FAM20C: variants seen among roughly 807,000 people sequenced by gnomAD.
The protein encoded by FAM20C is FAM20C golgi associated secretory pathway kinase.
A neutral mutation model predicts 51.5 loss-of-function variants in FAM20C; 40 were observed. The observed-to-expected ratio is 0.78, with a 90% CI of 0.60 to 1.01. The LOEUF (loss-of-function observed/expected upper bound fraction) is 1.01. Among genes scored for constraint, FAM20C ranks in the 50% least tolerant of loss-of-function variants. The pLI is 0.00. For synonymous variants in FAM20C, 406 were observed against 380.6 expected (o/e 1.07, Z -0.78); for missense variants, 861 against 844.7 (o/e 1.02, Z -0.24).
At position 258,375 on chromosome 7, in the gene FAM20C, G is replaced by C. The variant is rs1247689461; in HGVS notation, c.1446-271G>C. ...CCCACTGCCTGAGGTGCTGGAGATG[G>C]GCAGGGTGGACCCACTGCCCGGGAT... On this transcript the variant is annotated intron_variant, in intron 8 of 9. Transcript: ENST00000313766. Among the ~76,000 whole-genome samples the C allele has an allele frequency of 5.4e-5, 6 of 110,810 alleles. 1 individual carries two copies. The highest frequency in any genetic ancestry group is 2.4e-4 in the East Asian group (1 of 4,220). 72.7% of individuals were successfully genotyped at this position (110,810 alleles called of 152,430 possible). A position where few individuals can be genotyped will look rare whatever the true frequency, so the allele number is the denominator to read the frequency against.
intron 2 of FAM20C, among the ~76,000 whole-genome samples, chr7:197,925 G>A (rs1785956868): frequency 6.6e-6 from 1 of 152,214 alleles, no homozygotes; most frequent in South Asian, 2.1e-4. Context: ...CTTTGGTCCA[G>A]CTGTCCCGGG....
At chr7:222,843 GC>G (rs1787292348) in intron 3 of FAM20C, among the ~76,000 whole-genome samples, 1 of 151,534 alleles carries the variant, frequency 6.6e-6, no homozygotes, top group African/African-American at 2.4e-5. Context: ...GTGTGTGCAT[GC>G]ATGTCCTGTG....
At chr7:242,012 C>T (rs971406318) in intron 3 of FAM20C, among the ~76,000 whole-genome samples, 3 of 152,180 alleles carry the variant, frequency 2.0e-5, no homozygotes, top group Admixed American at 6.5e-5. Flanking sequence ...CCCATGCCAA[C>T]GCTCAGTGGA....
chr7:195,614 CTA>C lies in FAM20C; in HGVS notation c.668_669del (p.Tyr223SerfsTer75). On this transcript the variant is annotated frameshift_variant, in exon 2 of 10. Coordinates refer to ENST00000313766, the MANE Select transcript of FAM20C (RefSeq NM_020223.4). LOFTEE classifies it high-confidence loss of function. The stretch of plus-strand genomic sequence containing the variant: ...CCCCCGGGGAGGCGGCCGTGGACTC[CTA>C]TCCCAACTGGCTCAAGTTCCACATT... ...LSPGEAAVDS[Y>X]PNWLKFHIGI... 1 of 1,609,618 alleles carries C rather than the reference CTA, an allele frequency of 6.2e-7. No homozygotes were observed. Among genetic ancestry groups the C allele is most frequent in the South Asian group, 1.1e-5 (1 of 90,452 alleles).
At chr7:254,290 G>T (rs1788511293) in intron 5 of FAM20C, among the ~76,000 whole-genome samples, 2 of 152,200 alleles carry the variant, frequency 1.3e-5, no homozygotes, top group Non-Finnish European at 2.9e-5. Flanking sequence ...ATCCCACGGG[G>T]AGCCTGCCCT....
At position 207,083 on chromosome 7, in the gene FAM20C, C is replaced by G. The variant is rs374361184; in HGVS notation, c.785-1815C>G. ...GGCCCTGCACACGTATCCACTGTGA[C>G]GCGTCGGTCACTGTCCCCTCGGCCC... On this transcript the variant is annotated intron_variant, in intron 2 of 9. Coordinates refer to ENST00000313766, the MANE Select transcript of FAM20C (RefSeq NM_020223.4). 4.7e-3 allele frequency among the ~76,000 whole-genome samples: 116 copies of G among 24,484 alleles called. 35 individuals carry two copies. The highest frequency in any genetic ancestry group is 0.017 in the East Asian group (6 of 346). The allele number at this position is 24,484 out of a possible 152,430, so 16.1% of individuals were successfully genotyped here.
Position 259,900 on chromosome 7 carries a change from G to T in FAM20C, c.1675G>T (p.Asp559Tyr). The T allele has an allele frequency of 6.5e-7, 1 of 1,535,650 alleles. No individual in the cohort carries two copies. Residue 559 changes from aspartate (D) to tyrosine (Y), a missense_variant, in exon 10 of 10, where the codon GAC becomes TAC. By Grantham distance (160) the Asp-to-Tyr change is radical. Around this residue, in one of 3 missense-constraint regions of FAM20C, gnomAD observed 269 missense variants for 283.8 expected, o/e 0.95. Transcript: ENST00000313766. Reference sequence around the variant, plus strand: ...CCGCGTCGTGCTAAAGGCCGTCCGGGACTGCGTGGAGAGGAACGGGCTCCA... The same window carrying T: ...CCGCGTCGTGCTAAAGGCCGTCCGGTACTGCGTGGAGAGGAACGGGCTCCA... Reference protein sequence around the residue: ...RLRVVLKAVRDCVERNGLHSV... With the variant: ...RLRVVLKAVRYCVERNGLHSV...
At chr7:228,132 C>T in intron 3 of FAM20C, 1 of 290,564 alleles carries the variant, frequency 3.4e-6, no homozygotes. Flanking sequence ...GTCAGGCGCA[C>T]AGGCCTGTGC....
chr7:208,848 A>C lies in FAM20C; in HGVS notation c.785-50A>C, dbSNP rs1050316400. Reference sequence around the variant, plus strand: ...GAGCCCTCGTCCGCACAGGAGAAGAAGGGGCGTGAGGCCAGAGAGTGACCC... The same window carrying C: ...GAGCCCTCGTCCGCACAGGAGAAGACGGGGCGTGAGGCCAGAGAGTGACCC... On this transcript the variant is annotated intron_variant, in intron 2 of 9. Coordinates refer to ENST00000313766, the MANE Select transcript of FAM20C (RefSeq NM_020223.4). 4 of 1,535,348 alleles carry C rather than the reference A, an allele frequency of 2.6e-6. No individual in the cohort carries two copies. In the African/African-American group the frequency reaches 4.1e-5, roughly 16 times the overall value.
chr7:215,192 A>G (rs1201823371), intron 3 of FAM20C, among the ~76,000 whole-genome samples: 1 of 145,504 alleles, frequency 6.9e-6, no homozygotes, highest in African/African-American at 2.5e-5. Context: ...GGAGTGAGCG[A>G]GTGAGCACCG....
At chr7:215,230 G>GC (rs986908511) in intron 3 of FAM20C, among the ~76,000 whole-genome samples, 7 of 48,114 alleles carry the variant, frequency 1.5e-4, no homozygotes, top group Non-Finnish European at 2.4e-4. Context: ...GCTCCAGCTG[G>GC]GGGGGGGAGC....
chr7:193,245 G>C lies in FAM20C; in HGVS notation c.46G>C (p.Val16Leu). ...VRRFRVLILM[V>L]FLVACALHIA... ...CCGGTTCCGCGTGCTCATCCTGATG[G>C]TGTTCCTGGTGGCCTGCGCGCTGCA... Residue 16 changes from valine (V) to leucine (L), a missense_variant, in exon 1 of 10, where the codon GTG (valine) becomes CTG (leucine). Transcript: ENST00000313766. The C allele has an allele frequency of 6.8e-7, 1 of 1,466,398 alleles. No individual in the cohort carries two copies. The highest frequency in any genetic ancestry group is 9.0e-7 in the Non-Finnish European group (1 of 1,105,316). 90.8% of individuals were successfully genotyped at this position (1,466,398 alleles called of 1,614,324 possible).
At chr7:201,038 CT>C (rs1786105408) in intron 2 of FAM20C, among the ~76,000 whole-genome samples, 1 of 152,240 alleles carries the variant, frequency 6.6e-6, no homozygotes, top group South Asian at 2.1e-4. Flanking sequence ...CCGAGCAGAC[CT>C]CTCTGGCTTG....
intron 2 of FAM20C, among the ~76,000 whole-genome samples, chr7:205,976 G>T (rs967798915): frequency 2.6e-5 from 4 of 152,160 alleles, no homozygotes; most frequent in Admixed American, 2.6e-4. Flanking sequence ...AAACCCATCT[G>T]CAGGCAGCTC....
chr7:244,590 C>T (rs1035793687), intron 3 of FAM20C, among the ~76,000 whole-genome samples: 4 of 152,224 alleles, frequency 2.6e-5, no homozygotes, highest in African/African-American at 7.2e-5. Flanking sequence ...TTCAGTTTGC[C>T]GCCATACCTG....
In FAM20C at chr7:259,761, G is replaced by C. The variant is rs1350271110; in HGVS notation, c.1536G>C (p.Gln512His). Residue 512 changes from glutamine (Q) to histidine (H), a missense_variant, in exon 10 of 10, where the codon CAG (glutamine) becomes CAC (histidine). This residue lies in a region of FAM20C where 269 missense variants were observed against 283.8 expected (regional missense o/e 0.95). Coordinates refer to ENST00000313766, the MANE Select transcript of FAM20C (RefSeq NM_020223.4). ...RIRKSTYLRLQLLAKEEYKLS... is the reference protein window; with the variant it reads ...RIRKSTYLRLHLLAKEEYKLS... ...GGAAGTCCACCTACCTGCGTCTGCA[G>C]CTCCTGGCCAAGGAGGAGTACAAGC... The C allele has an allele frequency of 1.3e-6, 2 of 1,536,418 alleles. No homozygotes were observed. Among genetic ancestry groups the C allele is most frequent in the Admixed American group, 3.9e-5 (2 of 50,952 alleles).
chr7:228,218 A>G, intron 3 of FAM20C: 1 of 329,086 alleles, frequency 3.0e-6, no homozygotes. Context: ...AATCAGAGAA[A>G]TTCTGAGAAA....
In FAM20C at chr7:193,315, G is replaced by A; in HGVS notation, c.116G>A (p.Arg39Gln). 7.2e-7 allele frequency: 1 copy of A among 1,390,282 alleles called. No homozygotes were observed. The highest frequency in any genetic ancestry group is 9.4e-7 in the Non-Finnish European group (1 of 1,063,522). The allele number at this position is 1,390,282 out of a possible 1,614,324, so 86.1% of individuals were successfully genotyped here. Residue 39 changes from arginine (R) to glutamine (Q), a missense_variant, in exon 1 of 10, where the codon CGG becomes CAG. Around this residue, in one of 3 missense-constraint regions of FAM20C, gnomAD observed 561 missense variants for 499.8 expected, o/e 1.12. Coordinates refer to ENST00000313766, the MANE Select transcript of FAM20C (RefSeq NM_020223.4). Reference sequence around the variant, plus strand: ...CCCAGGCTGGAGCGACGCGGCGCGCGGCCCTCGGGGGAGCCCGGCTGTTCG... The same window carrying A: ...CCCAGGCTGGAGCGACGCGGCGCGCAGCCCTCGGGGGAGCCCGGCTGTTCG... ...LLPRLERRGA[R>Q]PSGEPGCSCA...
intron 2 of FAM20C, among the ~76,000 whole-genome samples, chr7:204,098 A>C (rs763413552): frequency 6.6e-6 from 1 of 152,242 alleles, no homozygotes; most frequent in Non-Finnish European, 1.5e-5. Flanking sequence ...TCAGGCGCCC[A>C]TCCGTGCATC....
Sources: gnomAD v4.1 joint callset for allele counts (sites outside exome capture counted in the v4.1 genomes callset) on GRCh38, gnomAD v4.1.1 for gene constraint, gnomAD v4.1.1 regional missense constraint, MANE v1.5 for transcripts, NCBI Gene and HGNC (gene_info 2026-07-23, HGNC 2026-07-21) for gene names.